The following PLCB4 variants were observed in gnomAD, a reference collection of about 807,000 sequenced individuals.
PLCB4 encodes the protein phospholipase C beta 4, also known as 1-phosphatidylinositol 4,5-bisphosphate phosphodiesterase beta-4.
Under a neutral mutation model 178.8 loss-of-function variants are expected in PLCB4, and 77 were observed. That is an observed-to-expected ratio of 0.43 (90% CI 0.36 to 0.52). The LOEUF is 0.52. Ranked by LOEUF, PLCB4 falls within the 20% of genes least tolerant of loss-of-function variation. The probability of loss-of-function intolerance (pLI) is 0.00; values close to 1 mark genes in which losing one functional copy is unlikely to be tolerated. For missense variants in PLCB4, 1,024 were observed against 1,453.4 expected (o/e 0.70, Z 4.80); for synonymous variants, 496 against 490.8 (o/e 1.01, Z -0.14).
chr20:9,258,999 TA>T (rs962357280), intron 3 of PLCB4, among the ~76,000 whole-genome samples: 1 of 151,898 alleles, frequency 6.6e-6, no homozygotes, highest in East Asian at 1.9e-4. Context: ...AGGAATGCAA[TA>T]AAAAAAATCT....
intron 1 of PLCB4, among the ~76,000 whole-genome samples, chr20:9,076,047 T>G (rs1462133761): frequency 6.6e-6 from 1 of 152,194 alleles, no homozygotes; most frequent in East Asian, 1.9e-4. Flanking sequence ...TACATAGATT[T>G]CAGATTCTGA....
Position 9,437,236 on chromosome 20 carries a change from T to C in PLCB4, c.2764+84T>C, listed in dbSNP as rs1328696569. 5 of 1,265,680 alleles carry C rather than the reference T, an allele frequency of 4.0e-6. No homozygotes were observed. In the South Asian group the frequency reaches 4.6e-5, roughly 12 times the overall value. The allele number at this position is 1,265,680 out of a possible 1,614,324, so 78.4% of individuals were successfully genotyped here. ...AATATCTATAGCTTTAGGAAATATA[T>C]AAATTCGAAGTTCTTTGTGGGAAAG... On this transcript the variant is annotated intron_variant, in intron 30 of 39. Coordinates refer to ENST00000378473, the MANE Select transcript of PLCB4 (RefSeq NM_001377142.1).
intron 4 of PLCB4, among the ~76,000 whole-genome samples, chr20:9,309,501 A>C (rs1282578009): frequency 6.6e-6 from 1 of 152,118 alleles, no homozygotes; most frequent in East Asian, 1.9e-4. Context: ...TTTCTCTCCA[A>C]CTATGTTCTG....
At chr20:9,307,628 C>G (rs2094786403) in intron 3 of PLCB4, among the ~76,000 whole-genome samples, 172 bp from the exon 4 acceptor site, 1 of 151,650 alleles carries the variant, frequency 6.6e-6, no homozygotes. Context: ...TATGATATCT[C>G]CAGGTTTAGA....
intron 2 of PLCB4, among the ~76,000 whole-genome samples, chr20:9,141,153 C>T (rs1175841998): frequency 6.6e-6 from 1 of 152,096 alleles, no homozygotes; most frequent in East Asian, 1.9e-4. Flanking sequence ...CTTCTACCAC[C>T]ATGGGGCCCT....
chr20:9,203,363 G>C (rs1011844174), intron 2 of PLCB4, among the ~76,000 whole-genome samples: 4 of 152,034 alleles, frequency 2.6e-5, no homozygotes, highest in Non-Finnish European at 5.9e-5. Context: ...AACCTAGATT[G>C]AACAGGAAAC....
chr20:9,235,216 C>T (rs916466409), intron 3 of PLCB4, among the ~76,000 whole-genome samples: 4 of 152,054 alleles, frequency 2.6e-5, no homozygotes, highest in Non-Finnish European at 5.9e-5. Context: ...AGAGGACAAT[C>T]ATTGGGCAGG....
At chr20:9,179,842 CA>C (rs1368076400) in intron 2 of PLCB4, among the ~76,000 whole-genome samples, 2 of 152,180 alleles carry the variant, frequency 1.3e-5, no homozygotes, top group Non-Finnish European at 2.9e-5. Context: ...TAGATTATCT[CA>C]GGTTCTCTTC....
At chr20:9,149,950 T>G (rs1033986240) in intron 2 of PLCB4, among the ~76,000 whole-genome samples, 2 of 152,126 alleles carry the variant, frequency 1.3e-5, no homozygotes, top group African/African-American at 4.8e-5. Context: ...CTGAAGCAGG[T>G]TGGGCGCTTA....
rs1303441341 is a variant in PLCB4 at position 9,167,876 on chromosome 20, G to A, written c.-78-49514G>A. Among the ~76,000 whole-genome samples, 4 of 152,220 alleles carry A rather than the reference G, an allele frequency of 2.6e-5. No homozygotes were observed. The South Asian group carries it at 6.2e-4, about 24-fold the overall frequency. ...ACCATGACTAGCCACAGATATTTGAGCATAAACAATCTTAATTATAATGAC... is the reference window on the plus strand; with the variant it reads ...ACCATGACTAGCCACAGATATTTGAACATAAACAATCTTAATTATAATGAC... On this transcript the variant is annotated intron_variant, in intron 2 of 39. Transcript: ENST00000378473.
intron 28 of PLCB4, among the ~76,000 whole-genome samples, chr20:9,433,990 A>G (rs559493780): frequency 6.6e-6 from 1 of 152,220 alleles, no homozygotes; most frequent in South Asian, 2.1e-4. Flanking sequence ...TTCTGTAAAT[A>G]TATGTAGAGG....
chr20:9,387,434 T>C (rs746149921), intron 14 of PLCB4, 29 bp from the exon 15 acceptor site: 1 of 1,105,364 alleles, frequency 9.0e-7, no homozygotes, highest in Non-Finnish European at 1.4e-6. Context: ...TTGTAAAGTT[T>C]CAATATTGTA....
intron 2 of PLCB4, among the ~76,000 whole-genome samples, chr20:9,103,727 A>G (rs1341244310): frequency 2.6e-5 from 4 of 152,124 alleles, no homozygotes. Flanking sequence ...CACATTTACT[A>G]CTTTGTACTA....
At chr20:9,305,471 G>T (rs1447735713) in intron 3 of PLCB4, among the ~76,000 whole-genome samples, 1 of 151,802 alleles carries the variant, frequency 6.6e-6, no homozygotes, top group African/African-American at 2.4e-5. Context: ...CACTTCACTG[G>T]CCACAACTCA....
intron 2 of PLCB4, among the ~76,000 whole-genome samples, chr20:9,139,985 C>T (rs1156348416): frequency 5.9e-5 from 9 of 152,076 alleles, no homozygotes; most frequent in Non-Finnish European, 1.3e-4. Flanking sequence ...CTGGCCGTTC[C>T]TCTGAGGCTT....
At chr20:9,227,532 C>G (rs763208298) in intron 3 of PLCB4, among the ~76,000 whole-genome samples, 1 of 152,080 alleles carries the variant, frequency 6.6e-6, no homozygotes, top group Non-Finnish European at 1.5e-5. Flanking sequence ...TTCATTAATT[C>G]GCATGTAGAT....
At chr20:9,412,455 C>T (rs1231851490) in intron 25 of PLCB4, among the ~76,000 whole-genome samples, 7 of 151,976 alleles carry the variant, frequency 4.6e-5, no homozygotes, top group South Asian at 2.1e-4. Flanking sequence ...AAAATGAAGA[C>T]GGTGACACCT....
At chr20:9,338,756 A>G in intron 6 of PLCB4, 138 bp from the exon 7 acceptor site, 1 of 635,542 alleles carries the variant, frequency 1.6e-6, no homozygotes, top group South Asian at 2.1e-5. Context: ...TTTCACCTCT[A>G]CAGGTTTTAG....
chr20:9,304,894 T>G (rs2094747938), intron 3 of PLCB4, among the ~76,000 whole-genome samples: 1 of 151,924 alleles, frequency 6.6e-6, no homozygotes, highest in African/African-American at 2.4e-5. Flanking sequence ...TTCTATCTTT[T>G]TTTTAATTAT....
Sources: gnomAD v4.1 joint callset for allele counts (sites outside exome capture counted in the v4.1 genomes callset) on GRCh38, gnomAD v4.1.1 for gene constraint, MANE v1.5 for transcripts, NCBI Gene and HGNC (gene_info 2026-07-23, HGNC 2026-07-21) for gene names.